SPINK5: variants seen among roughly 807,000 people sequenced by gnomAD.
The protein encoded by SPINK5 is serine peptidase inhibitor Kazal type 5, also known as serine protease inhibitor Kazal-type 5.
A neutral mutation model predicts 151.8 loss-of-function variants in SPINK5; 125 were observed. The ratio of observed to expected loss-of-function variants is 0.82; its 90% CI spans 0.71 to 0.96. SPINK5 has a LOEUF of 0.96. SPINK5 is among the 40% of genes least tolerant of loss of function. The pLI, the probability that SPINK5 is intolerant of heterozygous loss-of-function variation, is 0.00. For synonymous variants in SPINK5, 374 were observed against 395.3 expected (o/e 0.95, Z 0.64); for missense variants, 1,194 against 1,291.9 (o/e 0.92, Z 1.16).
intron 24 of SPINK5, 81 bp downstream of exon 24, chr5:148,119,139 C>A: frequency 7.4e-7 from 1 of 1,349,082 alleles, no homozygotes; most frequent in South Asian, 1.2e-5. Flanking sequence ...AAGAAGGTGT[C>A]AACATGATCA....
At chr5:148,126,876 A>G in intron 29 of SPINK5, 107 bp from the exon 30 acceptor site, 1 of 944,862 alleles carries the variant, frequency 1.1e-6, no homozygotes, top group African/African-American at 1.7e-5. Context: ...ACAGGCGTGA[A>G]CTACCATGCC....
intron 26 of SPINK5, 120 bp downstream of exon 26, chr5:148,120,511 C>A: frequency 7.9e-7 from 1 of 1,269,572 alleles, no homozygotes; most frequent in Non-Finnish European, 1.1e-6. Context: ...TAACGGTAAA[C>A]AATGAAGTCA....
intron 16 of SPINK5, among the ~76,000 whole-genome samples, chr5:148,106,329 T>G (rs956473466): frequency 6.6e-6 from 1 of 151,988 alleles, no homozygotes; most frequent in Non-Finnish European, 1.5e-5. Flanking sequence ...ATTTATTTAT[T>G]TATTTATTTT....
rs1330401525 is a variant in SPINK5 at position 148,099,245 on chromosome 5, A to G, written c.1022A>G (p.Asn341Ser). 1 of 1,610,544 alleles carries G rather than the reference A, an allele frequency of 6.2e-7. No individual in the cohort carries two copies. Among genetic ancestry groups the G allele is most frequent in the African/African-American group, 1.3e-5 (1 of 74,938 alleles). ...SMCQAYFQAE[N>S]EEKKKAEARA... is the part of the protein sequence containing the mutation. ...TCCCTCTTATTCAGCCAAGCAGAAAATGAAGAAAAGAAAAAGGCTGAAGCA... is the reference window on the plus strand; with the variant it reads ...TCCCTCTTATTCAGCCAAGCAGAAAGTGAAGAAAAGAAAAAGGCTGAAGCA... Residue 341 changes from asparagine (N) to serine (S), a missense_variant, in exon 12 of 33, where the codon AAT (asparagine) becomes AGT (serine). Coordinates refer to ENST00000256084, the MANE Select transcript of SPINK5 (RefSeq NM_006846.4).
intron 30 of SPINK5, among the ~76,000 whole-genome samples, chr5:148,128,453 G>A (rs1451202094): frequency 1.3e-5 from 2 of 151,936 alleles, no homozygotes; most frequent in Non-Finnish European, 2.9e-5. Context: ...TCATCAAGCC[G>A]GCAGTCCTTT....
At position 148,101,916 on chromosome 5, in the gene SPINK5, G is replaced by A; in HGVS notation, c.1430+8G>A. 1 of 1,613,470 alleles carries A rather than the reference G, an allele frequency of 6.2e-7. No individual in the cohort carries two copies. The highest frequency in any genetic ancestry group is 1.1e-5 in the South Asian group (1 of 91,072). On this transcript the variant is annotated splice_region_variant and intron_variant, in intron 15 of 32. Coordinates refer to ENST00000256084, the MANE Select transcript of SPINK5 (RefSeq NM_006846.4). The stretch of plus-strand genomic sequence containing the variant: ...CATGTGTGAGGCCTTCTTGTGAGTA[G>A]AGCAGTAGCCCCATAGCGTCTGAGG...
intron 4 of SPINK5, among the ~76,000 whole-genome samples, chr5:148,074,853 T>G (rs868625192): frequency 1.3e-5 from 2 of 151,754 alleles, no homozygotes; most frequent in Admixed American, 1.3e-4. Flanking sequence ...TTTTATAATT[T>G]TTGTTAATAT....
Position 148,101,923 on chromosome 5 carries a change from A to G in SPINK5, c.1430+15A>G. ...GAGGCCTTCTTGTGAGTAGAGCAGT[A>G]GCCCCATAGCGTCTGAGGATTGAGC... is the stretch of plus-strand genomic sequence containing the variant. On this transcript the variant is annotated intron_variant, in intron 15 of 32. Transcript: ENST00000256084. 6.2e-7 allele frequency: 1 copy of G among 1,613,326 alleles called. No homozygotes were observed. Among genetic ancestry groups the G allele is most frequent in the Non-Finnish European group, 8.5e-7 (1 of 1,179,450 alleles).
intron 22 of SPINK5, among the ~76,000 whole-genome samples, chr5:148,117,336 C>A (rs1338157627): frequency 6.6e-6 from 1 of 152,150 alleles, no homozygotes; most frequent in Non-Finnish European, 1.5e-5. Context: ...TCAAACCTAC[C>A]TTCCTTGACA....
At chr5:148,104,607 C>G (rs544083390) in intron 15 of SPINK5, among the ~76,000 whole-genome samples, 1 of 151,950 alleles carries the variant, frequency 6.6e-6, no homozygotes, top group South Asian at 2.1e-4. Flanking sequence ...TATTAAGATC[C>G]ATTTCTGGCC....
intron 23 of SPINK5, 68 bp from the exon 24 acceptor site, chr5:148,118,918 C>T: frequency 6.7e-7 from 1 of 1,492,102 alleles, no homozygotes; most frequent in Non-Finnish European, 9.3e-7. Context: ...TTGCACGGGA[C>T]ACACTTAGTG....
At chr5:148,117,021 G>T (rs1466574380) in intron 22 of SPINK5, among the ~76,000 whole-genome samples, 2 of 152,174 alleles carry the variant, frequency 1.3e-5, no homozygotes, top group Non-Finnish European at 2.9e-5. Context: ...GGTTTAGCAT[G>T]TTTCTTGAGG....
intron 26 of SPINK5, among the ~76,000 whole-genome samples, chr5:148,123,563 A>ACT (rs1754348197): frequency 7.5e-6 from 1 of 133,858 alleles, no homozygotes; most frequent in Admixed American, 7.6e-5. Context: ...TCTTGCTTGC[A>ACT]ATATATATAT....
chr5:148,123,092 T>C (rs1444656910), intron 26 of SPINK5, among the ~76,000 whole-genome samples: 1 of 151,844 alleles, frequency 6.6e-6, no homozygotes, highest in East Asian at 2.0e-4. Context: ...CTCATGCCTG[T>C]AATCTCAGTG....
chr5:148,079,205 T>A (rs1398577033), intron 4 of SPINK5, among the ~76,000 whole-genome samples: 1 of 150,870 alleles, frequency 6.6e-6, no homozygotes, highest in Non-Finnish European at 1.5e-5. Flanking sequence ...AATAACCAAA[T>A]TATTGAAAAT....
chr5:148,124,061 AATG>A (rs749671346), intron 27 of SPINK5, 101 bp downstream of exon 27: 55 of 1,293,136 alleles, frequency 4.3e-5, no homozygotes, highest in Non-Finnish European at 5.8e-5. Context: ...ATCACACATT[AATG>A]ATATGATACC....
rs770373810 is a variant in SPINK5, at chr5:148,114,348, T to C, written c.1888-14T>C. 15 of 1,611,200 alleles carry C rather than the reference T, an allele frequency of 9.3e-6. No individual in the cohort carries two copies. The highest frequency in any genetic ancestry group is 4.0e-5 in the African/African-American group (3 of 74,856). ...AGAAGATACTCAAGCTTTCTCCTTT[T>C]CTTTTCCTTTTAGGAGACATGCGAT... is the stretch of plus-strand genomic sequence containing the variant. On this transcript the variant is annotated splice_polypyrimidine_tract_variant and intron_variant, in intron 20 of 32. Coordinates refer to ENST00000256084, the MANE Select transcript of SPINK5 (RefSeq NM_006846.4).
At chr5:148,122,079 A>G (rs1399368622) in intron 26 of SPINK5, among the ~76,000 whole-genome samples, 6 of 152,078 alleles carry the variant, frequency 3.9e-5, no homozygotes, top group Admixed American at 2.6e-4. Flanking sequence ...AAGGTTTACC[A>G]ATAATTATAT....
intron 2 of SPINK5, among the ~76,000 whole-genome samples, chr5:148,066,149 C>T (rs1752578661): frequency 6.6e-6 from 1 of 152,110 alleles, no homozygotes; most frequent in Non-Finnish European, 1.5e-5. Context: ...TACAGCAGGC[C>T]AGACAGAAGC....
Sources: allele counts gnomAD v4.1 joint callset (sites outside exome capture counted in the v4.1 genomes callset), GRCh38; gene constraint gnomAD v4.1.1; transcripts MANE v1.5; gene names NCBI Gene and HGNC (gene_info 2026-07-23, HGNC 2026-07-21).